SDR42E1: variants seen among roughly 807,000 people sequenced by gnomAD.
The protein encoded by SDR42E1 is short chain dehydrogenase/reductase family 42E, member 1.
In SDR42E1, 5 loss-of-function variants were observed where a neutral mutation model predicts 2.6. The ratio of observed to expected loss-of-function variants is 1.94; its 90% CI spans 1.01 to 4.08. SDR42E1 has a LOEUF of 4.08. Ranked by LOEUF, SDR42E1 falls within the 30% of genes most tolerant of loss-of-function variation. SDR42E1 has a pLI of 0.00. For synonymous variants in SDR42E1, 231 were observed against 188.3 expected (o/e 1.23, Z -1.86); for missense variants, 596 against 478.6 (o/e 1.25, Z -2.29).
rs1038268631 is a variant in SDR42E1, at chr16:81,995,424, A to C, written c.*3687T>G. ...TAGAAAGGAAGGGGAGCTCCCTTTC[A>C]GGAAATAGACTAAGTCTTTTAAAGT... On this transcript the variant is annotated 3_prime_UTR_variant, in exon 3 of 3. Coordinates refer to ENST00000328945, the MANE Select transcript of SDR42E1 (RefSeq NM_145168.3). 2.0e-5 allele frequency: 3 copies of C among 152,254 alleles called. No homozygotes were observed. The highest frequency in any genetic ancestry group is 7.2e-5 in the African/African-American group (3 of 41,452). 9.4% of individuals were successfully genotyped at this position (152,254 alleles called of 1,614,324 possible). A position where few individuals can be genotyped will look rare whatever the true frequency, so the allele number is the denominator to read the frequency against.
rs1912545747 is a variant in SDR42E1, at chr16:81,996,552, T to A, written c.*2559A>T. ...CTGGCTGACAGGTGCATGTGGGACA[T>A]CCATGTGGAGTTGCAGAAGTACTTA... On this transcript the variant is annotated 3_prime_UTR_variant, in exon 3 of 3. Transcript: ENST00000328945. The A allele has an allele frequency of 2.0e-5, 3 of 152,098 alleles. No individual in the cohort carries two copies. The South Asian group carries it at 6.2e-4, about 32-fold the overall frequency. The allele number at this position is 152,098 out of a possible 1,614,324, so 9.4% of individuals were successfully genotyped here.
rs995363557 is a variant in SDR42E1 at position 81,996,161 on chromosome 16, G to C, written c.*2950C>G. Reference sequence around the variant, plus strand: ...ATCACGTTAAAGATTCTCAACCTAAGGAAAGTTTTCAGCAGAGAAGTGACA... The same window carrying C: ...ATCACGTTAAAGATTCTCAACCTAACGAAAGTTTTCAGCAGAGAAGTGACA... On this transcript the variant is annotated 3_prime_UTR_variant, in exon 3 of 3. Coordinates refer to ENST00000328945, the MANE Select transcript of SDR42E1 (RefSeq NM_145168.3). The C allele has an allele frequency of 6.6e-6, 1 of 152,192 alleles. No individual in the cohort carries two copies. The highest frequency in any genetic ancestry group is 1.5e-5 in the Non-Finnish European group (1 of 68,062). The allele number at this position is 152,192 out of a possible 1,614,324, so 9.4% of individuals were successfully genotyped here.
rs372647933 is a variant in SDR42E1, at chr16:82,000,901, G to A, written c.-26-17C>T. ...TAACTGGACCTGAAGAAAGAAGTAT[G>A]CATCACTGTTACTGATCCAAATGCA... On this transcript the variant is annotated splice_polypyrimidine_tract_variant and intron_variant, in intron 1 of 2. Coordinates refer to ENST00000328945, the MANE Select transcript of SDR42E1 (RefSeq NM_145168.3). The A allele has an allele frequency of 6.5e-7, 1 of 1,527,798 alleles. No individual in the cohort carries two copies. Among genetic ancestry groups the A allele is most frequent in the South Asian group, 1.1e-5 (1 of 87,274 alleles). 94.6% of individuals were successfully genotyped at this position (1,527,798 alleles called of 1,614,324 possible).
chr16:82,008,081 G>C (rs1481493385), intron 1 of SDR42E1, among the ~76,000 whole-genome samples: 1 of 152,092 alleles, frequency 6.6e-6, no homozygotes, highest in Non-Finnish European at 1.5e-5. Context: ...CACAACATCT[G>C]ATGATTTTAT....
chr16:82,003,961 T>G (rs1403940623), intron 1 of SDR42E1, among the ~76,000 whole-genome samples: 10 of 152,150 alleles, frequency 6.6e-5, no homozygotes. Context: ...GGCTCTGCAG[T>G]GTCTAAGAGC....
chr16:82,006,777 G>A (rs1254951113), intron 1 of SDR42E1, among the ~76,000 whole-genome samples: 1 of 152,176 alleles, frequency 6.6e-6, no homozygotes, highest in Non-Finnish European at 1.5e-5. Context: ...CTAGGCGACA[G>A]AGGGAGATTC....
Position 81,999,554 on chromosome 16 carries a change from C to A in SDR42E1, c.739G>T (p.Ala247Ser). Residue 247 changes from alanine (A) to serine (S), a missense_variant, in exon 3 of 3, where the codon GCC becomes TCC. Coordinates refer to ENST00000328945, the MANE Select transcript of SDR42E1 (RefSeq NM_145168.3). ...EALRADKGHI[A>S]SGQPYFISDG... ...GAGATGAAGTAGGGCTGCCCAGAGG[C>A]AATATGGCCCTTGTCAGCTCTCAGG... 6.2e-7 allele frequency: 1 copy of A among 1,614,128 alleles called. No individual in the cohort carries two copies. Among genetic ancestry groups the A allele is most frequent in the Non-Finnish European group, 8.5e-7 (1 of 1,180,026 alleles).
chr16:82,010,572 G>A (rs993036070), intron 1 of SDR42E1, among the ~76,000 whole-genome samples: 6 of 152,124 alleles, frequency 3.9e-5, no homozygotes, highest in African/African-American at 1.4e-4. Context: ...AGGCATATCT[G>A]ATTGCTTCCT....
rs76422205 is a variant in SDR42E1, at chr16:82,001,186, G to T, written c.-26-302C>A. ...GCCACAAAAAACGTTTCGAACATAA[G>T]GCATTATTGTAAATTCTTGAAAATG... On this transcript the variant is annotated intron_variant, in intron 1 of 2. Coordinates refer to ENST00000328945, the MANE Select transcript of SDR42E1 (RefSeq NM_145168.3). Among the ~76,000 whole-genome samples, 1,088 of 152,184 alleles carry T rather than the reference G, an allele frequency of 7.1e-3. 13 individuals are homozygous for T. Among genetic ancestry groups the T allele is most frequent in the African/African-American group, 0.025 (1,043 of 41,524 alleles).
At chr16:82,005,677 C>G (rs541594590) in intron 1 of SDR42E1, among the ~76,000 whole-genome samples, 34 of 152,296 alleles carry the variant, frequency 2.2e-4, no homozygotes, top group African/African-American at 7.7e-4. Context: ...GGGCTGGGCA[C>G]TCAGACCTGC....
Position 81,999,437 on chromosome 16 carries a change from A to C in SDR42E1, c.856T>G (p.Leu286Val). ...TFPSTRLPLT[L>V]VYCFAFLTEM... The stretch of plus-strand genomic sequence containing the variant: ...GTTAGAAAAGCAAAGCAGTAGACCA[A>C]GGTCAATGGCAGGCGGGTAGACGGG... The change falls in exon 3 of 3, where the codon TTG (leucine) becomes GTG (valine). Residue 286 changes from leucine (L) to valine (V), a missense_variant. By Grantham distance (32) the Leu-to-Val change is conservative. Coordinates refer to ENST00000328945, the MANE Select transcript of SDR42E1 (RefSeq NM_145168.3). 2 of 1,614,212 alleles carry C rather than the reference A, an allele frequency of 1.2e-6. No individual in the cohort carries two copies. The highest frequency in any genetic ancestry group is 1.7e-6 in the Non-Finnish European group (2 of 1,180,038).
chr16:82,004,648 G>A (rs1358563238), intron 1 of SDR42E1, among the ~76,000 whole-genome samples: 1 of 152,188 alleles, frequency 6.6e-6, no homozygotes, highest in African/African-American at 2.4e-5. Flanking sequence ...CTACAGGCGT[G>A]TGCCATGATG....
intron 1 of SDR42E1, among the ~76,000 whole-genome samples, chr16:82,008,065 A>AC (rs1913006115): frequency 6.6e-6 from 1 of 152,160 alleles, no homozygotes; most frequent in Non-Finnish European, 1.5e-5. Context: ...TCATGATAGT[A>AC]AGTCCCACAA....
rs1271412356 is a variant in SDR42E1, at chr16:82,000,085, C to A, written c.208G>T (p.Asp70Tyr). The change falls in exon 3 of 3, where the codon GAT (aspartate) becomes TAT (tyrosine). Residue 70 changes from aspartate (D) to tyrosine (Y), a missense_variant. Coordinates refer to ENST00000328945, the MANE Select transcript of SDR42E1 (RefSeq NM_145168.3). ...TGGAACACACAAGTGACGTCTGCAT[C>A]CTGGAAGGCTTTCTCTACGTCAGAC... The part of the protein sequence containing the change: ...HLSDVEKAFQ[D>Y]ADVTCVFHIA... 1.9e-6 allele frequency: 3 copies of A among 1,614,102 alleles called. No homozygotes were observed. In the African/African-American group the frequency reaches 4.0e-5, roughly 22 times the overall value.
intron 1 of SDR42E1, chr16:82,007,648 C>G (rs1222673618): frequency 6.6e-6 from 1 of 152,314 alleles, no homozygotes; most frequent in African/African-American, 2.4e-5. Context: ...GACCTGAGTC[C>G]TGTGAGGGCT....
In SDR42E1 at chr16:81,999,674, C is replaced by G. The variant is rs775371719; in HGVS notation, c.619G>C (p.Gly207Arg). The G allele has an allele frequency of 1.2e-6, 2 of 1,614,158 alleles. No individual in the cohort carries two copies. Among genetic ancestry groups the G allele is most frequent in the South Asian group, 2.2e-5 (2 of 91,072 alleles). Reference protein sequence around the residue: ...LPRIVSYIEKGLFKFVYGDPR... With the variant: ...LPRIVSYIEKRLFKFVYGDPR... ...TCCCCGTAGACAAACTTGAACAGAC[C>G]CTTCTCGATGTAGCTGACTATCCTG... The change falls in exon 3 of 3, where the codon GGT becomes CGT. Residue 207 changes from glycine to arginine, a missense_variant. By Grantham distance (125) the Gly-to-Arg change is moderately radical. Coordinates refer to ENST00000328945, the MANE Select transcript of SDR42E1 (RefSeq NM_145168.3).
intron 1 of SDR42E1, among the ~76,000 whole-genome samples, chr16:82,002,253 G>C (rs919687789): frequency 6.6e-6 from 1 of 152,032 alleles, no homozygotes; most frequent in African/African-American, 2.4e-5. Flanking sequence ...CACAAAGAAA[G>C]AAAAAATATG....
In SDR42E1 at chr16:82,000,791, C is replaced by G. The variant is rs371497769; in HGVS notation, c.68G>C (p.Arg23Pro). The change falls in exon 2 of 3, where the codon CGC becomes CCC. Residue 23 changes from arginine to proline, a missense_variant and splice_region_variant. Transcript: ENST00000328945. Reference sequence around the variant, plus strand: ...GTGTATATTTTATAGATACACTTACCGAAAACCAAAATAGCCACTTCCTCC... The same window carrying G: ...GTGTATATTTTATAGATACACTTACGGAAAACCAAAATAGCCACTTCCTCC... ...ITGGSGYFGF[R>P]LGCALNQNGV... 3 of 1,612,106 alleles carry G rather than the reference C, an allele frequency of 1.9e-6. No individual in the cohort carries two copies. The highest frequency in any genetic ancestry group is 1.3e-5 in the African/African-American group (1 of 74,828).
At chr16:82,004,569 C>T (rs929021355) in intron 1 of SDR42E1, among the ~76,000 whole-genome samples, 10 of 152,190 alleles carry the variant, frequency 6.6e-5, no homozygotes, top group East Asian at 1.9e-4. Flanking sequence ...GGTGTGACCA[C>T]GGCTCACTGC....
Sources: gnomAD v4.1 joint callset for allele counts (sites outside exome capture counted in the v4.1 genomes callset) on GRCh38, gnomAD v4.1.1 for gene constraint, MANE v1.5 for transcripts, NCBI Gene and HGNC (gene_info 2026-07-23, HGNC 2026-07-21) for gene names.